Variants in MDGA2 observed in about 807,000 individuals in gnomAD.
MDGA2 encodes the protein MAM domain containing glycosylphosphatidylinositol anchor 2.
A neutral mutation model predicts 117.8 loss-of-function variants in MDGA2; 40 were observed. The observed-to-expected ratio is 0.34, with a 90% confidence interval of 0.26 to 0.44. The LOEUF is 0.44. Among genes scored for constraint, MDGA2 ranks in the 20% least tolerant of loss-of-function variants. The pLI, the probability that MDGA2 is intolerant of heterozygous loss-of-function variation, is 1.00. For synonymous variants in MDGA2, 452 were observed against 439.0 expected, an observed-to-expected ratio of 1.03 and a Z score of -0.37; for missense variants, 1,123 against 1,250.6, an observed-to-expected ratio of 0.90 and a Z score of 1.54.
At chr14:47,328,814 T>C (rs1890214694) in intron 1 of MDGA2, among the ~76,000 whole-genome samples, 1 of 152,090 alleles carries the variant, frequency 6.6e-6, no homozygotes, top group Non-Finnish European at 1.5e-5. Flanking sequence ...AGTTGTGGAT[T>C]CTTTTTAGGA....
intron 10 of MDGA2, among the ~76,000 whole-genome samples, chr14:46,907,839 AT>A (rs1186133969): frequency 6.6e-6 from 1 of 152,186 alleles, no homozygotes; most frequent in Non-Finnish European, 1.5e-5. Flanking sequence ...CAGTATTAGT[AT>A]TTCTTCCTAA....
chr14:47,588,265 C>CATATATATATAT (rs1896370091), intron 1 of MDGA2, among the ~76,000 whole-genome samples: 3 of 113,380 alleles, frequency 2.6e-5, no homozygotes, highest in Non-Finnish European at 5.3e-5. Context: ...TATATATACA[C>CATATATATATAT]ACACACACAC....
chr14:47,122,812 T>G (rs916018552), intron 5 of MDGA2, among the ~76,000 whole-genome samples: 6 of 152,038 alleles, frequency 3.9e-5, no homozygotes, highest in Non-Finnish European at 8.8e-5. Context: ...AAATCCATAA[T>G]CTAGCAAGTT....
intron 1 of MDGA2, among the ~76,000 whole-genome samples, chr14:47,645,519 C>T (rs1897512127): frequency 6.6e-6 from 1 of 151,548 alleles, no homozygotes; most frequent in Admixed American, 6.6e-5. Context: ...CAGGCGTGAG[C>T]CACCGCGCCC....
At position 47,156,657 on chromosome 14, in the gene MDGA2, C is replaced by T. The variant is rs1056474310; in HGVS notation, c.596-12383G>A. ...CCACCATTTGGTCCAATTTTTCTGT[C>T]TTTAATCTTTGAATTAAACCAAATT... is the stretch of plus-strand genomic sequence containing the variant. On this transcript the variant is annotated intron_variant, in intron 3 of 16. Coordinates refer to ENST00000399232, the MANE Select transcript of MDGA2 (RefSeq NM_001113498.3). Among the ~76,000 whole-genome samples the T allele has an allele frequency of 9.8e-5, 15 of 152,302 alleles. 1 individual carries two copies. Among genetic ancestry groups the T allele is most frequent in the Admixed American group, 4.6e-4 (7 of 15,292 alleles).
At chr14:47,595,552 A>AAC (rs1566532647) in intron 1 of MDGA2, among the ~76,000 whole-genome samples, 7 of 74,468 alleles carry the variant, frequency 9.4e-5, no homozygotes, top group East Asian at 1.1e-3. Context: ...AAAAACAAAA[A>AAC]AAAACAAAAA....
chr14:47,156,096 C>T lies in MDGA2; in HGVS notation c.596-11822G>A, dbSNP rs528548441. On this transcript the variant is annotated intron_variant, in intron 3 of 16. Transcript: ENST00000399232. ...CTAATTTTTGTATTTTTAGTAGAGG[C>T]GGGGTTTCACCATGCTGGGCCAAGC... is the stretch of plus-strand genomic sequence containing the variant. Among the ~76,000 whole-genome samples, 7 of 150,890 alleles carry T rather than the reference C, an allele frequency of 4.6e-5. No individual in the cohort carries two copies. The East Asian group carries it at 5.9e-4, about 13-fold the overall frequency.
intron 2 of MDGA2, among the ~76,000 whole-genome samples, chr14:47,226,216 CATAA>C (rs201861877): frequency 0.16 from 22,794 of 142,748 alleles, 2,035 homozygotes; most frequent in East Asian, 0.32. Context: ...ACTGTCTCAC[CATAA>C]ATAAATAAAT....
intron 9 of MDGA2, among the ~76,000 whole-genome samples, chr14:46,927,796 A>G (rs762202227): frequency 2.1e-4 from 32 of 152,188 alleles, no homozygotes; most frequent in Non-Finnish European, 3.5e-4. Context: ...TTAAATTGCA[A>G]TATAGCTGGT....
At chr14:47,479,312 G>T (rs1287028165) in intron 1 of MDGA2, among the ~76,000 whole-genome samples, 1 of 151,636 alleles carries the variant, frequency 6.6e-6, no homozygotes, top group African/African-American at 2.4e-5. Context: ...TAAACCCAAA[G>T]GTGCAAAGTG....
intron 9 of MDGA2, among the ~76,000 whole-genome samples, chr14:46,931,968 TAAC>T (rs1383041253): frequency 7.9e-5 from 12 of 152,094 alleles, no homozygotes; most frequent in Middle Eastern, 3.4e-3. Context: ...ATCGATGGAA[TAAC>T]AATAAGTAAT....
At chr14:47,194,199 A>C (rs772026797) in intron 3 of MDGA2, among the ~76,000 whole-genome samples, 18 of 152,180 alleles carry the variant, frequency 1.2e-4, no homozygotes, top group Non-Finnish European at 2.1e-4. Context: ...ACTTTGAGAG[A>C]CAAGACTGAT....
intron 1 of MDGA2, among the ~76,000 whole-genome samples, chr14:47,566,725 A>G (rs1895926504): frequency 1.3e-5 from 2 of 152,056 alleles, no homozygotes; most frequent in East Asian, 3.9e-4. Context: ...TAGTCCTAGT[A>G]TGTGGTAGCC....
chr14:47,536,059 C>G (rs2138742940), intron 1 of MDGA2, among the ~76,000 whole-genome samples: 1 of 152,276 alleles, frequency 6.6e-6, no homozygotes. Flanking sequence ...TTAAGTGTGT[C>G]CACATCTGTT....
intron 9 of MDGA2, among the ~76,000 whole-genome samples, chr14:46,954,273 T>C (rs1245463456): frequency 2.0e-5 from 3 of 152,000 alleles, no homozygotes. Flanking sequence ...CTTAGTGTGA[T>C]AAAACTGAGG....
chr14:47,103,583 G>A (rs1237145639), intron 5 of MDGA2, among the ~76,000 whole-genome samples: 1 of 152,216 alleles, frequency 6.6e-6, no homozygotes, highest in East Asian at 1.9e-4. Context: ...TAATGTAGGA[G>A]TAAACTTTTG....
At chr14:47,182,305 C>T (rs1884740178) in intron 3 of MDGA2, among the ~76,000 whole-genome samples, 1 of 151,804 alleles carries the variant, frequency 6.6e-6, no homozygotes, top group Non-Finnish European at 1.5e-5. Context: ...AGTTATGTAC[C>T]CCACACCCAA....
intron 7 of MDGA2, among the ~76,000 whole-genome samples, chr14:47,036,334 C>T (rs993932173): frequency 6.9e-6 from 1 of 144,892 alleles, no homozygotes; most frequent in African/African-American, 2.6e-5. Context: ...TTCTGATTTA[C>T]AGAGAATATT....
At chr14:46,909,325 T>C (rs546994548) in intron 10 of MDGA2, among the ~76,000 whole-genome samples, 2 of 152,304 alleles carry the variant, frequency 1.3e-5, no homozygotes, top group African/African-American at 4.8e-5. Context: ...TTAGTAGTAA[T>C]TTGAGATCTT....
Sources: allele counts gnomAD v4.1 joint callset (sites outside exome capture counted in the v4.1 genomes callset), GRCh38; gene constraint gnomAD v4.1.1; transcripts MANE v1.5; gene names NCBI Gene and HGNC (gene_info 2026-07-23, HGNC 2026-07-21).